ARHGEF10: variants seen among roughly 807,000 people sequenced by gnomAD.
The protein encoded by ARHGEF10 is Rho guanine nucleotide exchange factor 10, also known as Rho guanine nucleotide exchange factor (GEF) 10.
ARHGEF10 carries 140 observed loss-of-function variants against 147.4 expected under a neutral mutation model. The ratio of observed to expected loss-of-function variants is 0.95; its 90% confidence interval spans 0.83 to 1.09. The LOEUF (loss-of-function observed/expected upper bound fraction) is 1.09, where lower values mean the gene tolerates loss of function less well. Ranked by LOEUF, ARHGEF10 falls within the 50% of genes least tolerant of loss-of-function variation. The pLI is 0.00. For synonymous variants in ARHGEF10, 902 were observed against 695.8 expected, an observed-to-expected ratio of 1.30 and a Z score of -4.67; for missense variants, 2,222 against 1,752.7, an observed-to-expected ratio of 1.27 and a Z score of -4.78.
intron 15 of ARHGEF10, among the ~76,000 whole-genome samples, chr8:1,901,987 A>ATT (rs5888899): frequency 6.6e-5 from 10 of 151,372 alleles, no homozygotes; most frequent in South Asian, 2.1e-4. Flanking sequence ...GCAGAACCAC[A>ATT]TTTTTTTTTC....
chr8:1,905,721 G>T lies in ARHGEF10; in HGVS notation c.1967+5G>T, dbSNP rs1192962720. ...GTGTGCCACCGTCAGCTCACGGTAA[G>T]TGCATAAATTCTCTATAGTAGTCCT... On this transcript the variant is annotated splice_donor_5th_base_variant and intron_variant, in intron 17 of 28. Transcript: ENST00000349830. The T allele has an allele frequency of 6.2e-7, 1 of 1,613,350 alleles. No individual in the cohort carries two copies. The highest frequency in any genetic ancestry group is 1.1e-5 in the South Asian group (1 of 91,082).
chr8:1,883,115 G>A (rs558901951), intron 10 of ARHGEF10, among the ~76,000 whole-genome samples: 2 of 152,180 alleles, frequency 1.3e-5, no homozygotes, highest in Non-Finnish European at 2.9e-5. Flanking sequence ...GGTCGTGAGC[G>A]TCCTGAACTG....
intron 25 of ARHGEF10, among the ~76,000 whole-genome samples, chr8:1,931,318 A>G (rs1813125112): frequency 6.6e-6 from 1 of 152,252 alleles, no homozygotes; most frequent in South Asian, 2.1e-4. Flanking sequence ...TGCAATAGAA[A>G]TAACATTTCT....
chr8:1,842,093 C>G (rs1804138653), intron 1 of ARHGEF10, among the ~76,000 whole-genome samples: 1 of 149,508 alleles, frequency 6.7e-6, no homozygotes, highest in African/African-American at 2.5e-5. Context: ...CCGCGAGGCG[C>G]CGAACCACGA....
At chr8:1,826,286 G>A (rs75997127) in intron 1 of ARHGEF10, among the ~76,000 whole-genome samples, 6,030 of 152,300 alleles carry the variant, frequency 0.04, 152 homozygotes, top group South Asian at 0.12. Context: ...TTGTCTTCTG[G>A]GTGCTTTGGT....
At position 1,833,321 on chromosome 8, in the gene ARHGEF10, G is replaced by GACA. The variant is rs1491416126; in HGVS notation, c.-48+9208_-48+9209insACA. ...AGACAGAGGCAGAGACAGAAGCAGA[G>GACA]GGAGACAGAGACAGAGGCAGAGACA... On this transcript the variant is annotated intron_variant, in intron 1 of 28. Transcript: ENST00000349830. Among the ~76,000 whole-genome samples the GACA allele has an allele frequency of 2.1e-5, 3 of 141,342 alleles. 1 individual carries two copies. Among genetic ancestry groups the GACA allele is most frequent in the Middle Eastern group, 3.7e-3 (1 of 268 alleles). The allele number at this position is 141,342 out of a possible 152,430, so 92.7% of individuals were successfully genotyped here. A position where few individuals can be genotyped will look rare whatever the true frequency, so the allele number is the denominator to read the frequency against.
intron 2 of ARHGEF10, among the ~76,000 whole-genome samples, chr8:1,854,492 T>TATAACTTGA (rs1181177223): frequency 6.6e-6 from 1 of 152,190 alleles, no homozygotes; most frequent in Non-Finnish European, 1.5e-5. Context: ...GCAGAGTCTA[T>TATAACTTGA]ATAACTTGAA....
chr8:1,831,188 A>G (rs1357355871), intron 1 of ARHGEF10, among the ~76,000 whole-genome samples: 1 of 151,870 alleles, frequency 6.6e-6, no homozygotes, highest in East Asian at 1.9e-4. Context: ...AGACAGGGTG[A>G]TGGACATCCA....
rs563283215 is a variant in ARHGEF10, at chr8:1,902,257, C to T, written c.1651-1024C>T. Among the ~76,000 whole-genome samples, 22 of 151,290 alleles carry T rather than the reference C, an allele frequency of 1.5e-4. No homozygotes were observed. The South Asian group carries it at 4.2e-3, about 29-fold the overall frequency. On this transcript the variant is annotated intron_variant, in intron 15 of 28. Coordinates refer to ENST00000349830, the MANE Select transcript of ARHGEF10 (RefSeq NM_014629.4). ...TCTGAGAAAGAGTGTTTCAAGTTCA[C>T]GTTTGCCCCTTCAGCAAACGTCAGC...
In ARHGEF10 at chr8:1,948,622, T is replaced by G. The variant is rs561746033; in HGVS notation, c.3397+2967T>G. ...CTGACAGTGATTCTCTGTAAGATCC[T>G]CAGTGCGGCATAGACTGAAATGGTT... On this transcript the variant is annotated intron_variant, in intron 27 of 28. Transcript: ENST00000349830. This position sits in a 1 kb window ranked among gnomAD's most constrained non-coding sequence, Gnocchi z 4.9. Among the ~76,000 whole-genome samples the G allele has an allele frequency of 4.5e-4, 69 of 152,292 alleles. No individual in the cohort carries two copies. Among genetic ancestry groups the G allele is most frequent in the Admixed American group, 3.0e-3 (46 of 15,290 alleles).
chr8:1,841,970 TGGGG>T lies in ARHGEF10; in HGVS notation c.-47-1382_-47-1379del, dbSNP rs1563161882. Among the ~76,000 whole-genome samples the T allele has an allele frequency of 1.0e-4, 6 of 58,574 alleles. 1 individual carries two copies. The highest frequency in any genetic ancestry group is 3.6e-4 in the African/African-American group (5 of 13,934). The allele number at this position is 58,574 out of a possible 152,430, so 38.4% of individuals were successfully genotyped here. On this transcript the variant is annotated intron_variant, in intron 1 of 28. Coordinates refer to ENST00000349830, the MANE Select transcript of ARHGEF10 (RefSeq NM_014629.4). ...CCGGAACTGGGGCCGCGACCGGAAC[TGGGG>T]CCGCGGCGGGAACTGGGGCCGCGGC... is the stretch of plus-strand genomic sequence containing the variant.
chr8:1,865,321 C>T (rs753060268), intron 5 of ARHGEF10, among the ~76,000 whole-genome samples: 7 of 151,410 alleles, frequency 4.6e-5, no homozygotes, highest in Admixed American at 1.3e-4. Context: ...CCCAGGGGGC[C>T]GTCACCAGGA....
intron 1 of ARHGEF10, among the ~76,000 whole-genome samples, chr8:1,828,776 C>G (rs559286130): frequency 3.3e-4 from 50 of 151,870 alleles, no homozygotes; most frequent in Non-Finnish European, 6.5e-4. Flanking sequence ...TGCACACTTA[C>G]TGTTTTAAGG....
intron 27 of ARHGEF10, 79 bp from the exon 28 acceptor site, chr8:1,952,626 G>C: frequency 6.3e-7 from 1 of 1,583,194 alleles, no homozygotes; most frequent in Non-Finnish European, 8.6e-7. Context: ...AGGCCTGTGG[G>C]GTTTCCAGCA....
intron 1 of ARHGEF10, among the ~76,000 whole-genome samples, chr8:1,828,101 T>C (rs1163187548): frequency 6.6e-6 from 1 of 152,218 alleles, no homozygotes; most frequent in Non-Finnish European, 1.5e-5. Context: ...ACCTCAACAC[T>C]CTGCCTCCAC....
At chr8:1,832,653 G>GGC (rs1803230066) in intron 1 of ARHGEF10, among the ~76,000 whole-genome samples, 4 of 124,038 alleles carry the variant, frequency 3.2e-5, no homozygotes, top group East Asian at 2.5e-4. Flanking sequence ...CAGAGACAGA[G>GGC]AGAGACAGAG....
At chr8:1,944,320 G>C (rs919624685) in intron 26 of ARHGEF10, among the ~76,000 whole-genome samples, 1 of 151,312 alleles carries the variant, frequency 6.6e-6, no homozygotes, top group African/African-American at 2.4e-5. Flanking sequence ...TCAGCTCTCA[G>C]GCCCTGCAGC....
intron 1 of ARHGEF10, among the ~76,000 whole-genome samples, chr8:1,832,533 C>T (rs1372916719): frequency 1.6e-5 from 1 of 64,206 alleles, no homozygotes; most frequent in East Asian, 4.6e-4. Context: ...GGTAGAGAGA[C>T]ACAGAGGCAG....
At chr8:1,878,154 G>A (rs866467013) in intron 8 of ARHGEF10, among the ~76,000 whole-genome samples, 5 of 151,700 alleles carry the variant, frequency 3.3e-5, no homozygotes, top group South Asian at 2.1e-4. Flanking sequence ...TTACAACTGC[G>A]ATTTAAACAA....
Sources: gnomAD v4.1 joint callset for allele counts (sites outside exome capture counted in the v4.1 genomes callset) on GRCh38, gnomAD v4.1.1 for gene constraint, Gnocchi (gnomAD v3.1) non-coding constraint, MANE v1.5 for transcripts, NCBI Gene and HGNC (gene_info 2026-07-23, HGNC 2026-07-21) for gene names.